DPYD: variants seen among roughly 807,000 people sequenced by gnomAD.
DPYD encodes dihydropyrimidine dehydrogenase.
DPYD carries 109 observed loss-of-function variants against 116.2 expected under a neutral mutation model. That is an observed-to-expected ratio of 0.94 (90% CI 0.80 to 1.10). DPYD has a LOEUF of 1.10. Ranked by LOEUF, DPYD falls within the 50% of genes least tolerant of loss-of-function variation. DPYD has a pLI of 0.00. For missense variants in DPYD, 1,302 were observed against 1,254.5 expected, an observed-to-expected ratio of 1.04 and a Z score of -0.57; for synonymous variants, 440 against 432.0, an observed-to-expected ratio of 1.02 and a Z score of -0.23.
In DPYD at chr1:97,357,586, G is replaced by T. The variant is rs547351744; in HGVS notation, c.2058+15975C>A. ...GGATACAAATGCAGTTTTGTTACAT[G>T]GATATATTGCATACTGGTGAAATCT... On this transcript the variant is annotated intron_variant, in intron 16 of 22. Transcript: ENST00000370192. 6.5e-4 allele frequency among the ~76,000 whole-genome samples: 99 copies of T among 152,066 alleles called. 1 individual carries two copies. The highest frequency in any genetic ancestry group is 2.2e-3 in the Admixed American group (34 of 15,268).
chr1:97,213,585 T>C (rs997516246), intron 19 of DPYD, among the ~76,000 whole-genome samples: 2 of 152,156 alleles, frequency 1.3e-5, no homozygotes, highest in Admixed American at 1.3e-4. Flanking sequence ...TTCTAAATGG[T>C]CAGATTGACC....
intron 21 of DPYD, among the ~76,000 whole-genome samples, chr1:97,085,324 G>A (rs1279455641): frequency 6.6e-6 from 1 of 152,156 alleles, no homozygotes; most frequent in African/African-American, 2.4e-5. Flanking sequence ...ATATGCCTTA[G>A]AAATTTTACG....
chr1:97,903,907 A>C (rs1037657238), intron 1 of DPYD, among the ~76,000 whole-genome samples: 3 of 152,000 alleles, frequency 2.0e-5, no homozygotes, highest in Admixed American at 6.6e-5. Flanking sequence ...AAACAGCTAA[A>C]GTGTTGCTTC....
intron 20 of DPYD, among the ~76,000 whole-genome samples, chr1:97,183,866 A>G (rs1657812499): frequency 6.6e-6 from 1 of 152,054 alleles, no homozygotes; most frequent in Admixed American, 6.6e-5. Flanking sequence ...TCACTCAGGT[A>G]TTAAGCATAG....
At chr1:97,566,025 C>T (rs956934669) in intron 11 of DPYD, among the ~76,000 whole-genome samples, 1 of 152,066 alleles carries the variant, frequency 6.6e-6, no homozygotes, top group East Asian at 1.9e-4. Flanking sequence ...CGGTGTTGAG[C>T]AAATTGCATA....
chr1:97,464,425 C>T lies in DPYD; in HGVS notation c.1741-14202G>A, dbSNP rs116469147. ...CCCAAAGACAACTGAAAAAATGCCT[C>T]CAGGGCATGTCAGAGACCTATGTGG... is the stretch of plus-strand genomic sequence containing the variant. On this transcript the variant is annotated intron_variant, in intron 13 of 22. Transcript: ENST00000370192. 5.7e-3 allele frequency among the ~76,000 whole-genome samples: 871 copies of T among 152,196 alleles called. 6 individuals carry two copies. The highest frequency in any genetic ancestry group is 0.02 in the African/African-American group (831 of 41,518).
At chr1:97,345,020 A>C (rs1186378185) in intron 16 of DPYD, among the ~76,000 whole-genome samples, 1 of 151,912 alleles carries the variant, frequency 6.6e-6, no homozygotes, top group African/African-American at 2.4e-5. Context: ...TTAGTTGATG[A>C]AAAATATAAT....
chr1:97,511,225 C>A (rs1647772268), intron 13 of DPYD, among the ~76,000 whole-genome samples: 1 of 151,966 alleles, frequency 6.6e-6, no homozygotes, highest in South Asian at 2.1e-4. Context: ...CATCTGAAAA[C>A]AATACTATCT....
At chr1:97,687,006 C>T (rs1417915698) in intron 7 of DPYD, among the ~76,000 whole-genome samples, 1 of 152,102 alleles carries the variant, frequency 6.6e-6, no homozygotes, top group Non-Finnish European at 1.5e-5. Flanking sequence ...CACGGTGGCT[C>T]ATGTCTGTAA....
intron 3 of DPYD, among the ~76,000 whole-genome samples, chr1:97,756,858 T>C (rs901666555): frequency 3.3e-5 from 5 of 152,274 alleles, no homozygotes; most frequent in African/African-American, 1.2e-4. Context: ...GCCTTTACTT[T>C]TGCTTTTCCC....
At chr1:97,225,923 A>T (rs1661124188) in intron 19 of DPYD, among the ~76,000 whole-genome samples, 1 of 152,064 alleles carries the variant, frequency 6.6e-6, no homozygotes, top group Admixed American at 6.6e-5. Context: ...AGCCAAACCC[A>T]GAAAAGGGTA....
intron 20 of DPYD, among the ~76,000 whole-genome samples, chr1:97,159,743 A>C (rs1655750874): frequency 6.6e-6 from 1 of 152,096 alleles, no homozygotes; most frequent in Admixed American, 6.6e-5. Context: ...AAAAAATGGG[A>C]AAATAACAAA....
chr1:97,409,974 A>G (rs1673886439), intron 14 of DPYD, among the ~76,000 whole-genome samples: 1 of 151,946 alleles, frequency 6.6e-6, no homozygotes, highest in Non-Finnish European at 1.5e-5. Context: ...GCTAAGGCAG[A>G]AGAATTGCTT....
intron 2 of DPYD, among the ~76,000 whole-genome samples, chr1:97,863,859 T>C (rs1035783538): frequency 6.6e-6 from 1 of 151,946 alleles, no homozygotes; most frequent in African/African-American, 2.4e-5. Context: ...TAATAAAGCA[T>C]GAAGGTGACA....
chr1:97,211,590 TAAC>T (rs773991823), intron 19 of DPYD, among the ~76,000 whole-genome samples: 1 of 152,146 alleles, frequency 6.6e-6, no homozygotes, highest in Non-Finnish European at 1.5e-5. Context: ...TTGATATATT[TAAC>T]TTTTCTTAAA....
intron 20 of DPYD, among the ~76,000 whole-genome samples, chr1:97,145,964 G>C (rs999404459): frequency 2.6e-5 from 4 of 151,894 alleles, no homozygotes; most frequent in African/African-American, 9.7e-5. Context: ...GTCTACTGAA[G>C]AATTCCTGGG....
intron 16 of DPYD, among the ~76,000 whole-genome samples, chr1:97,346,458 T>G (rs1344493914): frequency 2.6e-5 from 4 of 151,868 alleles, no homozygotes; most frequent in Non-Finnish European, 5.9e-5. Flanking sequence ...ATTCCTAATT[T>G]ATATCTTGTC....
At chr1:97,867,413 AG>A (rs922580827) in intron 2 of DPYD, among the ~76,000 whole-genome samples, 1 of 151,900 alleles carries the variant, frequency 6.6e-6, no homozygotes, top group African/African-American at 2.4e-5. Context: ...TTTGAAATGA[AG>A]GAAAGATTTG....
At chr1:97,283,154 G>C (rs913533763) in intron 18 of DPYD, among the ~76,000 whole-genome samples, 11 of 151,978 alleles carry the variant, frequency 7.2e-5, no homozygotes, top group Non-Finnish European at 1.5e-4. Context: ...TTGATACATA[G>C]TATGAAGAAA....
Sources: gnomAD v4.1 joint callset for allele counts (sites outside exome capture counted in the v4.1 genomes callset) on GRCh38, gnomAD v4.1.1 for gene constraint, MANE v1.5 for transcripts, NCBI Gene and HGNC (gene_info 2026-07-23, HGNC 2026-07-21) for gene names.